The following FRMPD4 variants were observed in gnomAD, a reference collection of about 807,000 sequenced individuals.
The protein encoded by FRMPD4 is FERM and PDZ domain-containing protein 4.
FRMPD4 carries 22 observed loss-of-function variants against 94.1 expected under a neutral mutation model. That is an observed-to-expected ratio of 0.23 (90% CI 0.17 to 0.33). FRMPD4 has a LOEUF of 0.33. FRMPD4 is among the 10% of genes least tolerant of loss of function. FRMPD4 has a pLI of 1.00. For missense variants in FRMPD4, 1,111 were observed against 1,339.9 expected, an observed-to-expected ratio of 0.83 and a Z score of 2.67; for synonymous variants, 631 against 548.6, an observed-to-expected ratio of 1.15 and a Z score of -2.10.
intron 2 of FRMPD4, among the ~76,000 whole-genome samples, chrX:12,605,091 T>C (rs1012782904): frequency 8.9e-6 from 1 of 112,226 alleles, no homozygotes; most frequent in African/African-American, 3.2e-5. Context: ...CAATAAGAAG[T>C]AGGGGAGCCA....
chrX:12,170,965 G>C (rs1299028637), intron 1 of FRMPD4, among the ~76,000 whole-genome samples: 1 of 113,487 alleles, frequency 8.8e-6, no homozygotes, highest in Non-Finnish European at 1.9e-5. Context: ...CTTGTTCTCA[G>C]ATTCCTAGAT....
intron 3 of FRMPD4, among the ~76,000 whole-genome samples, chrX:12,011,861 T>C (rs769856623): frequency 4.5e-5 from 5 of 111,101 alleles, no homozygotes; most frequent in African/African-American, 1.6e-4. Flanking sequence ...TGTTTCTATA[T>C]CATTTGCAAA....
intron 3 of FRMPD4, among the ~76,000 whole-genome samples, chrX:11,993,344 C>T (rs1311415745): frequency 9.0e-6 from 1 of 111,029 alleles, no homozygotes; most frequent in Non-Finnish European, 1.9e-5. Context: ...GCACAATGGA[C>T]ATTTGGAGCT....
At chrX:11,827,221 A>G in intron 1 of FRMPD4, among the ~76,000 whole-genome samples, 1 of 107,123 alleles carries the variant, frequency 9.3e-6, no homozygotes, top group Non-Finnish European at 1.9e-5. Context: ...TACATATATT[A>G]TATCATATAT....
chrX:12,471,321 G>A (rs2057509259), intron 1 of FRMPD4, among the ~76,000 whole-genome samples: 1 of 112,060 alleles, frequency 8.9e-6, no homozygotes, highest in South Asian at 3.7e-4. Context: ...CACAAAGCCT[G>A]TTTTTCAAGT....
At chrX:12,452,791 C>A (rs1407828894) in intron 1 of FRMPD4, among the ~76,000 whole-genome samples, 1 of 111,737 alleles carries the variant, frequency 8.9e-6, no homozygotes, top group East Asian at 2.8e-4. Flanking sequence ...AAAATTGCTA[C>A]TTCTAAAAAC....
At position 12,710,543 on chromosome X, in the gene FRMPD4, C is replaced by G. The variant is rs775137172; in HGVS notation, c.1609+6C>G. 3 of 1,198,171 alleles carry G rather than the reference C, an allele frequency of 2.5e-6. No homozygotes were observed. Among genetic ancestry groups the G allele is most frequent in the African/African-American group, 1.7e-5 (1 of 57,445 alleles). On this transcript the variant is annotated splice_donor_region_variant and intron_variant, in intron 14 of 16. Coordinates refer to ENST00000675598, the MANE Select transcript of FRMPD4 (RefSeq NM_001368397.1). The stretch of plus-strand genomic sequence containing the variant: ...CACAGCGACCCAGGAAACAGGTATT[C>G]TCTTCCTGAACTCATCAAGCACTGA...
chrX:11,880,434 C>A (rs998194172), intron 3 of FRMPD4, among the ~76,000 whole-genome samples: 8 of 111,254 alleles, frequency 7.2e-5, no homozygotes, highest in Non-Finnish European at 1.5e-4. Flanking sequence ...CTCTTGATTG[C>A]ATGCCTTCAA....
chrX:11,991,615 A>G lies in FRMPD4; in HGVS notation c.95+113597A>G, dbSNP rs72612863. Reference sequence around the variant, plus strand: ...TTTCAAGTCAAGCTTAAGGATATTGATTACTTGTAAAAGCCTCACCCTTCT... The same window carrying G: ...TTTCAAGTCAAGCTTAAGGATATTGGTTACTTGTAAAAGCCTCACCCTTCT... On this transcript the variant is annotated intron_variant, in intron 3 of 18. Coordinates refer to the FRMPD4 transcript ENST00000640291. Among the ~76,000 whole-genome samples the G allele has an allele frequency of 2.9e-4, 33 of 111,963 alleles. No homozygotes were observed. In the East Asian group the frequency reaches 8.7e-3, roughly 30 times the overall value.
At chrX:12,441,699 A>C (rs2057138612) in intron 1 of FRMPD4, among the ~76,000 whole-genome samples, 3 of 112,504 alleles carry the variant, frequency 2.7e-5, no homozygotes, top group Admixed American at 1.9e-4. Flanking sequence ...GTGTTTGGGA[A>C]TAAATGAATG....
chrX:12,283,364 G>C (rs61530769), intron 1 of FRMPD4, among the ~76,000 whole-genome samples: 2,671 of 112,980 alleles, frequency 0.024, 74 homozygotes, highest in African/African-American at 0.079. Context: ...GTTCTAGTAA[G>C]CAAATTAAGT....
In FRMPD4 at chrX:11,855,499, C is replaced by A. The variant is rs1183528024; in HGVS notation, c.-160-9587C>A. 2.7e-5 allele frequency among the ~76,000 whole-genome samples: 3 copies of A among 112,250 alleles called. No homozygotes were observed. The East Asian group carries it at 8.4e-4, about 31-fold the overall frequency. Reference sequence around the variant, plus strand: ...TTATGCTCTGCTACCTCTAGAACACCTTGCCACTTAGAAATTTCTTCCACC... The same window carrying A: ...TTATGCTCTGCTACCTCTAGAACACATTGCCACTTAGAAATTTCTTCCACC... On this transcript the variant is annotated intron_variant, in intron 1 of 18. Transcript: ENST00000640291.
chrX:11,999,905 A>G (rs1353498186), intron 3 of FRMPD4, among the ~76,000 whole-genome samples: 3 of 111,668 alleles, frequency 2.7e-5, no homozygotes, highest in Non-Finnish European at 5.6e-5. Context: ...GCGATATTCA[A>G]AACGTAGTAT....
chrX:12,588,136 G>A (rs1366629331), intron 2 of FRMPD4, among the ~76,000 whole-genome samples: 1 of 111,707 alleles, frequency 9.0e-6, no homozygotes, highest in African/African-American at 3.3e-5. Context: ...TTACAGGCAT[G>A]TGTCACCATG....
At chrX:11,953,028 G>A (rs1286349485) in intron 3 of FRMPD4, among the ~76,000 whole-genome samples, 1 of 111,498 alleles carries the variant, frequency 9.0e-6, no homozygotes. Context: ...TAAACCTAAT[G>A]ACATGGCTGT....
chrX:12,605,591 GTCCCTCCT>G (rs2059124428), intron 2 of FRMPD4, among the ~76,000 whole-genome samples: 1 of 111,012 alleles, frequency 9.0e-6, no homozygotes, highest in South Asian at 3.9e-4. Flanking sequence ...TGTGATCTGT[GTCCCTCCT>G]TCCCATCACT....
chrX:12,243,440 A>G lies in FRMPD4; in HGVS notation c.41+104428A>G, dbSNP rs144520061. Reference sequence around the variant, plus strand: ...CCTGAAGAGCACATTGAACATTTTCACTGGCATACATGTGCAAATTAATCA... The same window carrying G: ...CCTGAAGAGCACATTGAACATTTTCGCTGGCATACATGTGCAAATTAATCA... On this transcript the variant is annotated intron_variant, in intron 1 of 16. Coordinates refer to ENST00000675598, the MANE Select transcript of FRMPD4 (RefSeq NM_001368397.1). Among the ~76,000 whole-genome samples, 26 of 112,395 alleles carry G rather than the reference A, an allele frequency of 2.3e-4. 1 individual carries two copies. The East Asian group carries it at 7.2e-3, about 31-fold the overall frequency.
chrX:12,055,405 G>A (rs1197213040), intron 3 of FRMPD4, among the ~76,000 whole-genome samples: 1 of 111,215 alleles, frequency 9.0e-6, no homozygotes, highest in East Asian at 2.8e-4. Context: ...ACGAGATCCA[G>A]TTGTTTAACA....
intron 1 of FRMPD4, among the ~76,000 whole-genome samples, chrX:12,464,439 G>T (rs191646314): frequency 1.2e-4 from 13 of 112,253 alleles, no homozygotes; most frequent in Admixed American, 3.8e-4. Context: ...CTCTACTGTT[G>T]TCCTTTTACC....
Sources: gnomAD v4.1 joint callset for allele counts (sites outside exome capture counted in the v4.1 genomes callset) on GRCh38, gnomAD v4.1.1 for gene constraint, MANE v1.5 for transcripts, NCBI Gene and HGNC (gene_info 2026-07-23, HGNC 2026-07-21) for gene names.